Variants in ACSF3 observed in about 807,000 individuals in gnomAD.
The protein encoded by ACSF3 is malonate--CoA ligase ACSF3, mitochondrial.
ACSF3 carries 78 observed loss-of-function variants against 53.2 expected under a neutral mutation model. The observed-to-expected ratio is 1.47, with a 90% CI of 1.22 to 1.77. ACSF3 has a LOEUF of 1.77. ACSF3 is among the 40% of genes most tolerant of loss of function. ACSF3 has a pLI of 0.00. For synonymous variants in ACSF3, 414 were observed against 333.1 expected, an observed-to-expected ratio of 1.24 and a Z score of -2.65; for missense variants, 937 against 771.1, an observed-to-expected ratio of 1.22 and a Z score of -2.55.
chr16:89,146,871 G>A (rs1010229188), intron 10 of ACSF3, among the ~76,000 whole-genome samples: 1 of 152,172 alleles, frequency 6.6e-6, no homozygotes, highest in Non-Finnish European at 1.5e-5. Context: ...CTGAGCTATG[G>A]CCTTGTCAAA....
chr16:89,114,307 G>A (rs1411028567), intron 5 of ACSF3, 32 bp from the exon 6 acceptor site: 2 of 1,613,358 alleles, frequency 1.2e-6, no homozygotes, highest in East Asian at 2.2e-5. Context: ...ACGTCCCAAG[G>A]GGCTAAACCT....
At chr16:89,101,605 C>T (rs1033511646) in intron 3 of ACSF3, among the ~76,000 whole-genome samples, 5 of 152,144 alleles carry the variant, frequency 3.3e-5, no homozygotes, top group Admixed American at 1.3e-4. Context: ...CAGGACCATG[C>T]GGCATGAGGT....
intron 7 of ACSF3, among the ~76,000 whole-genome samples, chr16:89,126,210 TCTC>T (rs1026853389): frequency 2.0e-5 from 3 of 152,238 alleles, no homozygotes; most frequent in East Asian, 1.9e-4. Flanking sequence ...TCCTATTTCT[TCTC>T]CTCCTTTTCC....
chr16:89,120,138 G>A (rs554952741), intron 6 of ACSF3, among the ~76,000 whole-genome samples: 6 of 152,316 alleles, frequency 3.9e-5, no homozygotes, highest in South Asian at 4.1e-4. Context: ...GGCGGGACAC[G>A]TCTCGCCACC....
At chr16:89,141,361 A>G (rs879721092) in intron 8 of ACSF3, 17 of 1,230,728 alleles carry the variant, frequency 1.4e-5, no homozygotes, top group African/African-American at 3.1e-5. Flanking sequence ...AGAAGCTAGA[A>G]CAAAGCCTGA....
At chr16:89,101,470 G>T (rs1334545910) in intron 3 of ACSF3, 123 bp downstream of exon 3, 11 of 1,525,522 alleles carry the variant, frequency 7.2e-6, no homozygotes, top group Non-Finnish European at 9.7e-6. Flanking sequence ...TCACCATCCT[G>T]CAGACCCGTG....
chr16:89,113,876 G>T (rs752761225), intron 5 of ACSF3: 2 of 298,358 alleles, frequency 6.7e-6, no homozygotes, highest in Non-Finnish European at 1.3e-5. Flanking sequence ...ACCCATGTCC[G>T]CGTTCTGCTG....
In ACSF3 at chr16:89,098,612, T is replaced by C. The variant is rs1424235608; in HGVS notation, c.-172T>C. 6.6e-6 allele frequency: 3 copies of C among 452,438 alleles called. No homozygotes were observed. The highest frequency in any genetic ancestry group is 1.3e-5 in the Non-Finnish European group (3 of 225,396). The allele number at this position is 452,438 out of a possible 1,614,324, so 28.0% of individuals were successfully genotyped here. A position where few individuals can be genotyped will look rare whatever the true frequency, so the allele number is the denominator to read the frequency against. The stretch of plus-strand genomic sequence containing the variant: ...ACAGGTGTCCCACCGGCCTTCCGGG[T>C]TCCAGCGCCAGGCCTGGTGCCTGCC... On this transcript the variant is annotated 5_prime_UTR_variant, in exon 2 of 11. Transcript: ENST00000614302.
chr16:89,145,590 G>A (rs558177662), intron 9 of ACSF3, among the ~76,000 whole-genome samples, 189 bp downstream of exon 9: 3 of 152,326 alleles, frequency 2.0e-5, no homozygotes, highest in African/African-American at 4.8e-5. Flanking sequence ...GCTCGGTGTT[G>A]GAGCCACTGA....
chr16:89,145,882 G>A lies in ACSF3; in HGVS notation c.1502-56G>A. 4 of 1,467,136 alleles carry A rather than the reference G, an allele frequency of 2.7e-6. No homozygotes were observed. The South Asian group carries it at 4.5e-5, about 17-fold the overall frequency. The allele number at this position is 1,467,136 out of a possible 1,614,324, so 90.9% of individuals were successfully genotyped here. On this transcript the variant is annotated intron_variant, in intron 9 of 10. Coordinates refer to ENST00000614302, the MANE Select transcript of ACSF3 (RefSeq NM_001243279.3). ...TTCCTGTGTGTCCAGGCACTCTTCG[G>A]CCTGTAAGGGTCACTGAGGCATCCC...
At position 89,098,697 on chromosome 16, in the gene ACSF3, A is replaced by G. The variant is rs1195328659; in HGVS notation, c.-87A>G. ...ATCGTGCCCTTCCACCTGCTGAAGCAGCTGTGCCTGCCGCTCTTGTGAACT... is the reference window on the plus strand; with the variant it reads ...ATCGTGCCCTTCCACCTGCTGAAGCGGCTGTGCCTGCCGCTCTTGTGAACT... On this transcript the variant is annotated 5_prime_UTR_variant, in exon 2 of 11. Coordinates refer to ENST00000614302, the MANE Select transcript of ACSF3 (RefSeq NM_001243279.3). The G allele has an allele frequency of 4.4e-6, 2 of 454,126 alleles. No homozygotes were observed. Among genetic ancestry groups the G allele is most frequent in the Admixed American group, 4.7e-5 (2 of 42,584 alleles). The allele number at this position is 454,126 out of a possible 1,614,324, so 28.1% of individuals were successfully genotyped here. A position where few individuals can be genotyped will look rare whatever the true frequency, so the allele number is the denominator to read the frequency against.
chr16:89,131,127 CTTTTT>C (rs558773398), intron 7 of ACSF3, among the ~76,000 whole-genome samples: 1 of 69,562 alleles, frequency 1.4e-5, no homozygotes, highest in Non-Finnish European at 2.6e-5. Context: ...TTTTCTTTTT[CTTTTT>C]TTTTTTTTTT....
In ACSF3 at chr16:89,141,375, G is replaced by T. The variant is rs1465909207; in HGVS notation, c.1367-3892G>T. On this transcript the variant is annotated intron_variant, in intron 8 of 10. Coordinates refer to ENST00000614302, the MANE Select transcript of ACSF3 (RefSeq NM_001243279.3). ...GAGAAGCTAGAACAAAGCCTGACAT[G>T]TTCCAAGGGGCAAGCTCAGGGCTGG... 2.0e-5 allele frequency: 24 copies of T among 1,193,406 alleles called. No homozygotes were observed. In the South Asian group the frequency reaches 3.1e-4, roughly 16 times the overall value. The allele number at this position is 1,193,406 out of a possible 1,614,324, so 73.9% of individuals were successfully genotyped here.
intron 4 of ACSF3, among the ~76,000 whole-genome samples, chr16:89,103,715 C>T (rs965951361): frequency 1.1e-4 from 17 of 152,178 alleles, no homozygotes; most frequent in African/African-American, 2.2e-4. Flanking sequence ...CTGCTTGCTG[C>T]GGAGGGTTAC....
intron 1 of ACSF3, among the ~76,000 whole-genome samples, chr16:89,098,029 G>C (rs1189148328): frequency 1.3e-5 from 2 of 151,788 alleles, no homozygotes; most frequent in East Asian, 3.9e-4. Context: ...AGCCGAGATC[G>C]TGCCACTGCA....
rs775911088 is a variant in ACSF3, at chr16:89,155,586, C to T, written c.*1379C>T. On this transcript the variant is annotated 3_prime_UTR_variant, in exon 11 of 11. Transcript: ENST00000614302. ...CTTGTGCATCCCCATGGCCTGACCC[C>T]GGGAACAGTCAGAGGAAGGGGTCCC... 1.1e-5 allele frequency: 5 copies of T among 453,990 alleles called. No homozygotes were observed. Among genetic ancestry groups the T allele is most frequent in the Admixed American group, 2.3e-5 (1 of 42,562 alleles). 28.1% of individuals were successfully genotyped at this position (453,990 alleles called of 1,614,324 possible).
chr16:89,153,942 C>G, intron 10 of ACSF3, 148 bp from the exon 11 acceptor site: 1 of 759,538 alleles, frequency 1.3e-6, no homozygotes, highest in East Asian at 2.7e-5. Flanking sequence ...CTGCGGTGGC[C>G]CGGTGCACCT....
Position 89,101,255 on chromosome 16 carries a change from T to G in ACSF3, c.574T>G (p.Trp192Gly), listed in dbSNP as rs1288304269. Residue 192 changes from tryptophan to glycine, a missense_variant, in exon 3 of 11, where the codon TGG (tryptophan) becomes GGG (glycine). Physicochemically the swap from Trp to Gly is radical, Grantham distance 184. Transcript: ENST00000614302. ...PAEVPVPEQG[W>G]RNKGAMIIYT... ...AGAGGTCCCGGTCCCAGAGCAGGGATGGAGGAACAAGGGCGCCATGATCAT... is the reference window on the plus strand; with the variant it reads ...AGAGGTCCCGGTCCCAGAGCAGGGAGGGAGGAACAAGGGCGCCATGATCAT... The G allele has an allele frequency of 6.2e-7, 1 of 1,601,962 alleles. No homozygotes were observed. The highest frequency in any genetic ancestry group is 8.5e-7 in the Non-Finnish European group (1 of 1,174,700).
Position 89,155,819 on chromosome 16 carries a change from T to C in ACSF3, c.*1612T>C, listed in dbSNP as rs1710939510. ...TGAAACTTTTGATTCCTAAAAAGCT[T>C]ACATAATCATTTGCTTTATCCGATA... On this transcript the variant is annotated 3_prime_UTR_variant, in exon 11 of 11. Transcript: ENST00000614302. The C allele has an allele frequency of 2.2e-6, 1 of 453,280 alleles. No homozygotes were observed. Among genetic ancestry groups the C allele is most frequent in the Admixed American group, 2.4e-5 (1 of 42,386 alleles). The allele number at this position is 453,280 out of a possible 1,614,324, so 28.1% of individuals were successfully genotyped here.
Sources: allele counts gnomAD v4.1 joint callset (sites outside exome capture counted in the v4.1 genomes callset), GRCh38; gene constraint gnomAD v4.1.1; transcripts MANE v1.5; gene names NCBI Gene and HGNC (gene_info 2026-07-23, HGNC 2026-07-21).